The following GSE1 variants were observed in gnomAD, a reference collection of about 807,000 sequenced individuals.
GSE1 encodes genetic suppressor element 1.
A neutral mutation model predicts 112.6 loss-of-function variants in GSE1; 32 were observed. The observed-to-expected ratio is 0.28, with a 90% CI of 0.21 to 0.38. The LOEUF (loss-of-function observed/expected upper bound fraction) is 0.38. GSE1 is among the 10% of genes least tolerant of loss of function. GSE1 has a pLI of 1.00. For missense variants in GSE1, 2,348 were observed against 1,699.2 expected (o/e 1.38, Z -6.71); for synonymous variants, 1,115 against 735.6 (o/e 1.52, Z -8.35).
At chr16:85,427,233 A>T (rs1192313240) in intron 2 of GSE1, among the ~76,000 whole-genome samples, 3 of 152,236 alleles carry the variant, frequency 2.0e-5, no homozygotes. Context: ...TTCAAAGCAA[A>T]GCAACACTGT....
At chr16:85,341,981 C>G (rs528463352) in intron 1 of GSE1, among the ~76,000 whole-genome samples, 91 of 152,210 alleles carry the variant, frequency 6.0e-4, no homozygotes, top group African/African-American at 2.2e-3. Context: ...GGAATAGAGA[C>G]CGGCAGGTGG....
chr16:85,412,461 C>T (rs751515752), intron 2 of GSE1, among the ~76,000 whole-genome samples: 1 of 23,316 alleles, frequency 4.3e-5, no homozygotes, highest in Non-Finnish European at 9.8e-5. Flanking sequence ...CCGTTACACT[C>T]AGGGCCCCCC....
intron 1 of GSE1, among the ~76,000 whole-genome samples, chr16:85,586,697 C>A (rs2046714534): frequency 6.6e-6 from 1 of 152,186 alleles, no homozygotes; most frequent in Non-Finnish European, 1.5e-5. Flanking sequence ...ACCCCTCCCA[C>A]CTCTGAGAGC....
chr16:85,220,764 C>G (rs1336843165), intron 1 of GSE1, among the ~76,000 whole-genome samples: 1 of 152,214 alleles, frequency 6.6e-6, no homozygotes, highest in African/African-American at 2.4e-5. Context: ...TTTCTCTCTC[C>G]TTGCTTCGGT....
At chr16:85,531,718 C>G (rs907142979) in intron 2 of GSE1, among the ~76,000 whole-genome samples, 4 of 152,210 alleles carry the variant, frequency 2.6e-5, no homozygotes, top group African/African-American at 9.7e-5. Flanking sequence ...GAGGAAATGG[C>G]AGGGGGCTCC....
chr16:85,490,405 G>C (rs2050972494), intron 2 of GSE1: 1 of 152,272 alleles, frequency 6.6e-6, no homozygotes, highest in Admixed American at 6.5e-5. Context: ...GGTAGAGCAG[G>C]TGATGTCCGC....
At chr16:85,365,504 A>G (rs1188128238) in intron 2 of GSE1, among the ~76,000 whole-genome samples, 1 of 152,230 alleles carries the variant, frequency 6.6e-6, no homozygotes, top group Non-Finnish European at 1.5e-5. Context: ...GGTTCATTGC[A>G]GAGCGTAGCC....
chr16:85,634,875 T>C lies in GSE1; in HGVS notation c.226+743T>C, dbSNP rs189772728. The stretch of plus-strand genomic sequence containing the variant: ...TGCTGGCACAAATGGGGAGGGGCAG[T>C]GGGCGGCTGGAGCTGCTGGGGGCCT... On this transcript the variant is annotated intron_variant, in intron 2 of 15. Transcript: ENST00000253458. 3.2e-3 allele frequency among the ~76,000 whole-genome samples: 493 copies of C among 152,122 alleles called. 10 individuals carry two copies. Among genetic ancestry groups the C allele is most frequent in the Admixed American group, 0.026 (399 of 15,284 alleles).
intron 8 of GSE1, chr16:85,659,754 A>C (rs2052277795): frequency 6.6e-6 from 1 of 152,252 alleles, no homozygotes; most frequent in African/African-American, 2.4e-5. Context: ...CTGAGGAAAC[A>C]AGCCATTTAG....
At chr16:85,201,424 G>T (rs375551862) in intron 1 of GSE1, among the ~76,000 whole-genome samples, 3 of 151,112 alleles carry the variant, frequency 2.0e-5, no homozygotes, top group Admixed American at 6.6e-5. Context: ...TTGGGACGCC[G>T]AGGGCGGTGG....
chr16:85,605,239 A>C (rs931579964), intron 1 of GSE1, among the ~76,000 whole-genome samples: 1 of 151,584 alleles, frequency 6.6e-6, no homozygotes, highest in African/African-American at 2.4e-5. Flanking sequence ...GGCTCACGCA[A>C]GTTGCTGGTG....
intron 6 of GSE1, among the ~76,000 whole-genome samples, chr16:85,656,122 C>T (rs933149492): frequency 3.9e-5 from 6 of 152,164 alleles, no homozygotes; most frequent in Non-Finnish European, 8.8e-5. Flanking sequence ...TGCAGTAAAC[C>T]TGCAGGCCGA....
chr16:85,478,918 T>TCCTTCCTTCCTTCCTTCCTTCCTTC (rs1567520813), intron 2 of GSE1, among the ~76,000 whole-genome samples: 2 of 53,600 alleles, frequency 3.7e-5, no homozygotes, highest in African/African-American at 2.1e-4. Context: ...TTTCTTTCTT[T>TCCTTCCTTCCTTCCTTCCTTCCTTC]CTTTCTTTCT....
intron 1 of GSE1, among the ~76,000 whole-genome samples, chr16:85,216,310 G>A (rs899998092): frequency 2.6e-5 from 4 of 152,254 alleles, no homozygotes; most frequent in African/African-American, 9.6e-5. Context: ...AGGCTGACTT[G>A]GGAGGATCAC....
Position 85,654,977 on chromosome 16 carries a change from C to A in GSE1, c.783C>A (p.Pro261=). 1.3e-6 allele frequency: 2 copies of A among 1,593,998 alleles called. No individual in the cohort carries two copies. The highest frequency in any genetic ancestry group is 8.5e-7 in the Non-Finnish European group (1 of 1,170,348). The change falls in exon 5 of 16, where the codon CCC becomes CCA. Residue 261 remains proline, a synonymous_variant. Transcript: ENST00000253458. ...GCTACCTGGCCCCACACCCCTTCCCCCACCCGGCCTTCAGGTGAGGCATCC... is the reference window on the plus strand; with the variant it reads ...GCTACCTGGCCCCACACCCCTTCCCACACCCGGCCTTCAGGTGAGGCATCC... ...HPSYLAPHPF[P]HPAFRMDDSY... is the part of the protein sequence containing the mutation.
intron 1 of GSE1, among the ~76,000 whole-genome samples, chr16:85,297,338 C>T (rs1339530187): frequency 1.3e-5 from 2 of 152,224 alleles, no homozygotes; most frequent in South Asian, 2.1e-4. Flanking sequence ...GGGCAGCAGA[C>T]GAACTCCAGA....
chr16:85,213,413 A>T (rs1264320812), intron 1 of GSE1, among the ~76,000 whole-genome samples: 1 of 152,166 alleles, frequency 6.6e-6, no homozygotes. Flanking sequence ...TCATCGTGCC[A>T]CTGCACTCCA....
At chr16:85,312,794 CAGG>C (rs959667616) in intron 1 of GSE1, among the ~76,000 whole-genome samples, 6 of 151,430 alleles carry the variant, frequency 4.0e-5, no homozygotes, top group African/African-American at 1.2e-4. Context: ...AGGAGCAGGG[CAGG>C]AGGAGGAGGA....
At chr16:85,535,724 G>C (rs1275045812) in intron 2 of GSE1, among the ~76,000 whole-genome samples, 2 of 152,184 alleles carry the variant, frequency 1.3e-5, no homozygotes, top group African/African-American at 4.8e-5. Flanking sequence ...GGGCCTGAGA[G>C]AGCAACACAA....
Sources: gnomAD v4.1 joint callset for allele counts (sites outside exome capture counted in the v4.1 genomes callset) on GRCh38, gnomAD v4.1.1 for gene constraint, MANE v1.5 for transcripts, NCBI Gene and HGNC (gene_info 2026-07-23, HGNC 2026-07-21) for gene names.